The following ERCC6L2 variants were observed in gnomAD, a reference collection of about 807,000 sequenced individuals.
ERCC6L2 encodes DNA excision repair protein ERCC-6-like 2.
ERCC6L2 carries 77 observed loss-of-function variants against 132.0 expected under a neutral mutation model. The observed-to-expected ratio is 0.58, with a 90% confidence interval of 0.49 to 0.71. The LOEUF is 0.71. Among genes scored for constraint, ERCC6L2 ranks in the 30% least tolerant of loss-of-function variants. ERCC6L2 has a pLI of 0.00. For synonymous variants in ERCC6L2, 583 were observed against 632.4 expected (o/e 0.92, Z 1.17); for missense variants, 1,542 against 1,837.6 (o/e 0.84, Z 2.94).
chr9:95,946,231 TA>T (rs1831057160), intron 12 of ERCC6L2, among the ~76,000 whole-genome samples: 1 of 152,094 alleles, frequency 6.6e-6, no homozygotes, highest in Non-Finnish European at 1.5e-5. Context: ...ATTCCTCTCT[TA>T]AAAAATAATA....
chr9:95,920,347 A>G (rs1252487765), intron 6 of ERCC6L2, among the ~76,000 whole-genome samples: 1 of 152,206 alleles, frequency 6.6e-6, no homozygotes, highest in Non-Finnish European at 1.5e-5. Context: ...AATGAACAGT[A>G]AAGATATTTT....
intron 17 of ERCC6L2, among the ~76,000 whole-genome samples, chr9:95,984,310 ATATATAT>A (rs1211052287): frequency 3.3e-5 from 5 of 149,590 alleles, no homozygotes; most frequent in African/African-American, 2.4e-5. Flanking sequence ...ATATGTATAA[ATATATAT>A]TATATGTGTA....
chr9:95,886,963 G>A (rs575578948), intron 2 of ERCC6L2, among the ~76,000 whole-genome samples: 2 of 152,250 alleles, frequency 1.3e-5, no homozygotes, highest in Non-Finnish European at 2.9e-5. Flanking sequence ...CTTGAACGTC[G>A]GACTCAAGTT....
At chr9:95,900,866 T>C (rs1342009004) in intron 3 of ERCC6L2, among the ~76,000 whole-genome samples, 2 of 152,204 alleles carry the variant, frequency 1.3e-5, no homozygotes, top group South Asian at 2.1e-4. Context: ...ACGTTAAATT[T>C]TTTTATTTCT....
rs538097493 is a variant in ERCC6L2, at chr9:95,969,054, G to A, written c.2101-1522G>A. On this transcript the variant is annotated intron_variant, in intron 14 of 18. Transcript: ENST00000653738. ...GTATTCAAAGAGGTGAGGGAGGAAG[G>A]TGTGTTTTAGATAGGGGAAACAAAT... Among the ~76,000 whole-genome samples the A allele has an allele frequency of 7.9e-5, 12 of 152,216 alleles. 1 individual carries two copies. The highest frequency in any genetic ancestry group is 2.9e-4 in the African/African-American group (12 of 41,542).
chr9:95,910,674 C>G (rs1829299703), intron 4 of ERCC6L2, among the ~76,000 whole-genome samples: 3 of 152,260 alleles, frequency 2.0e-5, no homozygotes, highest in South Asian at 4.1e-4. Flanking sequence ...TTAGACCATT[C>G]ACTTTGAATA....
chr9:96,000,445 T>G (rs1833626377), intron 17 of ERCC6L2, among the ~76,000 whole-genome samples: 3 of 152,188 alleles, frequency 2.0e-5, no homozygotes, highest in Admixed American at 1.3e-4. Context: ...ATAAACATCA[T>G]ATTTTTAAAA....
chr9:95,891,655 C>T (rs990692188), intron 2 of ERCC6L2, among the ~76,000 whole-genome samples: 1 of 151,542 alleles, frequency 6.6e-6, no homozygotes, highest in African/African-American at 2.4e-5. Context: ...ATTTTACATT[C>T]CTACCAACAA....
chr9:95,935,487 CAAAAAG>C (rs1830514244), intron 11 of ERCC6L2, among the ~76,000 whole-genome samples: 1 of 151,932 alleles, frequency 6.6e-6, no homozygotes, highest in African/African-American at 2.4e-5. Context: ...GTTTATAACT[CAAAAAG>C]TAGAGGGGTA....
chr9:95,985,735 C>T (rs1241837706), intron 17 of ERCC6L2, among the ~76,000 whole-genome samples: 2 of 152,050 alleles, frequency 1.3e-5, no homozygotes, highest in African/African-American at 4.8e-5. Context: ...TCAATTGGGC[C>T]CTAGTGTGCT....
At chr9:95,909,448 T>C (rs1003107223) in intron 4 of ERCC6L2, among the ~76,000 whole-genome samples, 1 of 152,192 alleles carries the variant, frequency 6.6e-6, no homozygotes, top group East Asian at 1.9e-4. Context: ...TTTACCTCTT[T>C]ACAGTGGCTT....
At chr9:95,915,572 T>C (rs1271371124) in intron 4 of ERCC6L2, 96 bp from the exon 5 acceptor site, 5 of 1,305,120 alleles carry the variant, frequency 3.8e-6, no homozygotes, top group Non-Finnish European at 5.3e-6. Context: ...GAAAAAATAA[T>C]TCCAAAACTT....
chr9:95,918,473 G>T, intron 6 of ERCC6L2: 2 of 492,046 alleles, frequency 4.1e-6, no homozygotes, highest in South Asian at 3.0e-5. Flanking sequence ...CAGGTCTGTT[G>T]GCTCATGAAA....
rs1317383894 is a variant in ERCC6L2 at position 95,915,774 on chromosome 9, C to G, written c.895C>G (p.Leu299Val). 6.2e-7 allele frequency: 1 copy of G among 1,613,832 alleles called. No homozygotes were observed. Among genetic ancestry groups the G allele is most frequent in the South Asian group, 1.1e-5 (1 of 91,036 alleles). The change falls in exon 5 of 19, where the codon CTC becomes GTC. Residue 299 changes from leucine to valine, a missense_variant. Around this residue, in one of 4 missense-constraint regions of ERCC6L2, gnomAD observed 945 missense variants for 1,105.2 expected, o/e 0.86. Transcript: ENST00000653738. ...TTTGAAATGTAATGTCCGCATTGGC[C>G]TCACTGGAACCATCCTTCAGAACAA... ...KALKCNVRIGLTGTILQNNMK... is the reference protein window; with the variant it reads ...KALKCNVRIGVTGTILQNNMK...
At chr9:95,934,951 CT>C (rs957409952) in intron 11 of ERCC6L2, among the ~76,000 whole-genome samples, 45 of 152,292 alleles carry the variant, frequency 3.0e-4, no homozygotes, top group African/African-American at 1.0e-3. Context: ...CTAAACCACT[CT>C]TTTCAAATAA....
At chr9:95,890,002 T>G (rs1229388092) in intron 2 of ERCC6L2, among the ~76,000 whole-genome samples, 1 of 152,172 alleles carries the variant, frequency 6.6e-6, no homozygotes, top group African/African-American at 2.4e-5. Context: ...TCTCACTGGA[T>G]TCTTTAGTAA....
intron 9 of ERCC6L2, among the ~76,000 whole-genome samples, chr9:95,925,448 C>A (rs1830059693): frequency 6.6e-6 from 1 of 152,170 alleles, no homozygotes; most frequent in Admixed American, 6.5e-5. Context: ...GCTGTTAACA[C>A]CCCCAAATAA....
chr9:95,949,034 A>G (rs1225559714), intron 12 of ERCC6L2, among the ~76,000 whole-genome samples: 1 of 152,046 alleles, frequency 6.6e-6, no homozygotes, highest in African/African-American at 2.4e-5. Context: ...TAGAAATTAA[A>G]AAAAGAAAAA....
In ERCC6L2 at chr9:95,886,948, C is replaced by T. The variant is rs774198526; in HGVS notation, c.471+5655C>T. The stretch of plus-strand genomic sequence containing the variant: ...ATCTTTCTCCCATGCTGGATGCTTC[C>T]TGTCCTTGAACGTCGGACTCAAGTT... On this transcript the variant is annotated intron_variant, in intron 2 of 18. Coordinates refer to ENST00000653738, the MANE Select transcript of ERCC6L2 (RefSeq NM_020207.7). Among the ~76,000 whole-genome samples the T allele has an allele frequency of 1.9e-4, 29 of 152,360 alleles. 1 individual carries two copies. Among genetic ancestry groups the T allele is most frequent in the African/African-American group, 2.9e-4 (12 of 41,586 alleles).
Sources: allele counts gnomAD v4.1 joint callset (sites outside exome capture counted in the v4.1 genomes callset), GRCh38; gene constraint gnomAD v4.1.1; regional missense constraint gnomAD v4.1.1; transcripts MANE v1.5; gene names NCBI Gene and HGNC (gene_info 2026-07-23, HGNC 2026-07-21).